Variants in NBPF9 observed in about 807,000 individuals in gnomAD.
NBPF9 encodes the protein NBPF family member NBPF9.
A neutral mutation model predicts 97.8 loss-of-function variants in NBPF9; 91 were observed. That is an observed-to-expected ratio of 0.93 (90% CI 0.79 to 1.11). The LOEUF (loss-of-function observed/expected upper bound fraction) is 1.11, where lower values mean the gene tolerates loss of function less well. Among genes scored for constraint, NBPF9 ranks in the 50% least tolerant of loss-of-function variants. The probability of loss-of-function intolerance (pLI) is 0.00; values close to 1 mark genes in which losing one functional copy is unlikely to be tolerated. For synonymous variants in NBPF9, 334 were observed against 359.5 expected (o/e 0.93, Z 0.80); for missense variants, 992 against 939.5 (o/e 1.06, Z -0.73).
At chr1:149,069,057 A>T (rs1320739070) in intron 17 of NBPF9, among the ~76,000 whole-genome samples, 5 of 152,230 alleles carry the variant, frequency 3.3e-5, no homozygotes, top group African/African-American at 9.6e-5. Flanking sequence ...AGAAATAAAG[A>T]CGTTCTTTGA....
At chr1:149,055,883 T>C in exon 30 of NBPF9, 1 of 1,610,978 alleles carries the variant, frequency 6.2e-7, no homozygotes, top group African/African-American at 1.3e-5. Context: ...TCCACTTCCA[T>C]CAGCACGCCG....
intron 8 of NBPF9, among the ~76,000 whole-genome samples, chr1:149,079,480 T>C (rs1309552317): frequency 6.6e-6 from 1 of 151,240 alleles, no homozygotes; most frequent in East Asian, 1.9e-4. Context: ...GTAGGTGTCT[T>C]CCTAATTCCC....
chr1:149,054,881 G>C (rs199859714), exon 30 of NBPF9: 8,343 of 150,640 alleles, frequency 0.055, 458 homozygotes, highest in East Asian at 0.43. Flanking sequence ...GTTGTCTGGT[G>C]ATTACCTCCT....
exon 30 of NBPF9, chr1:149,055,604 G>A (rs1407662784): frequency 4.4e-6 from 7 of 1,607,020 alleles, no homozygotes; most frequent in South Asian, 1.1e-5. Context: ...AACTTCACGT[G>A]CCTATAGGTC....
At chr1:149,082,195 C>T (rs1218926473) in intron 6 of NBPF9, 21 bp from the exon 7 acceptor site, 1 of 1,602,702 alleles carries the variant, frequency 6.2e-7, no homozygotes, top group Non-Finnish European at 8.5e-7. Flanking sequence ...GAAACCCAAA[C>T]ATATGATGGG....
Position 149,055,746 on chromosome 1 carries a change from G to A in NBPF9, c.3246C>T (p.Ser1082=), listed in dbSNP as rs782103038. The A allele has an allele frequency of 5.6e-6, 9 of 1,611,854 alleles. No homozygotes were observed. The South Asian group carries it at 6.6e-5, about 12-fold the overall frequency. ...ACCTATTGTCCACGTAAAGGGCGAA[G>A]CTGATGTGCTGTTCCTCAAATGAGT... is the stretch of plus-strand genomic sequence containing the variant. Residue 1082 remains serine (S), a synonymous_variant, in exon 30 of 30, where the codon AGC becomes AGT. Transcript: ENST00000584027.
intron 15 of NBPF9, 111 bp from the exon 16 acceptor site, chr1:149,071,250 G>C: frequency 7.7e-7 from 1 of 1,302,284 alleles, no homozygotes. Flanking sequence ...GTCCCAGAAA[G>C]CAAAATGGAG....
intron 17 of NBPF9, chr1:149,065,925 T>G: frequency 1.6e-6 from 1 of 620,010 alleles, no homozygotes; most frequent in Non-Finnish European, 2.8e-6. Context: ...ATGAGCCAAC[T>G]CAGGGCACCC....
intron 5 of NBPF9, among the ~76,000 whole-genome samples, chr1:149,082,952 C>CTTTTTTTTTTTTTT (rs1175496893): frequency 1.6e-5 from 1 of 60,986 alleles, no homozygotes; most frequent in African/African-American, 6.0e-5. Flanking sequence ...GCTAATTTTT[C>CTTTTTTTTTTTTTT]TTTTCTTTTT....
chr1:149,084,411 T>A (rs1327471817), intron 5 of NBPF9, among the ~76,000 whole-genome samples: 1 of 147,040 alleles, frequency 6.8e-6, no homozygotes, highest in Non-Finnish European at 1.5e-5. Flanking sequence ...ACAATATATA[T>A]AACATGTGTA....
chr1:149,073,846 A>G, exon 13 of NBPF9: 1 of 1,489,876 alleles, frequency 6.7e-7, no homozygotes, highest in Non-Finnish European at 9.3e-7. Context: ...CATAAATTTT[A>G]TGAGGTCTTT....
chr1:149,063,518 G>A, intron 20 of NBPF9, 115 bp downstream of exon 20: 1 of 700,942 alleles, frequency 1.4e-6, no homozygotes, highest in Non-Finnish European at 2.5e-6. Context: ...TGTGCCTATA[G>A]GTCCTCCCTG....
rs782559782 is a variant in NBPF9 at position 149,065,640 on chromosome 1, C to A, written c.1687G>T (p.Glu563Ter). ...GGAATTGAGGGAGTCGAATAACCTT[C>A]ATCCCAGGACTCCTGGGGGACTTCC... Residue 563 changes from glutamate to a stop codon, truncating the protein, a stop_gained, in exon 18 of 30, where the codon GAA (glutamate) becomes TAA (stop). Transcript: ENST00000584027. LOFTEE classifies it high-confidence loss of function. The A allele has an allele frequency of 3.1e-6, 5 of 1,603,058 alleles. No homozygotes were observed. In the African/African-American group the frequency reaches 6.7e-5, roughly 22 times the overall value.
rs1454565868 is a variant in NBPF9, at chr1:149,073,001, G to A, written c.1092-69C>T. On this transcript the variant is annotated intron_variant, in intron 13 of 29. Transcript: ENST00000584027. ...AGTGATCCGCTCAAATATTGCAACA[G>A]AGATTTCTGAAACAGTGTCCTCAAG... is the stretch of plus-strand genomic sequence containing the variant. The A allele has an allele frequency of 5.8e-6, 9 of 1,548,600 alleles. No individual in the cohort carries two copies. The East Asian group carries it at 1.8e-4, about 31-fold the overall frequency.
At chr1:149,061,876 G>C in intron 22 of NBPF9, 1 of 414,292 alleles carries the variant, frequency 2.4e-6, no homozygotes, top group Admixed American at 3.5e-5. Context: ...GTTGCCACAG[G>C]CATGGCTGGA....
rs2078672692 is a variant in NBPF9 at position 149,062,363 on chromosome 1, A to C, written c.2079-98T>G. On this transcript the variant is annotated intron_variant, in intron 21 of 29. Transcript: ENST00000584027. The stretch of plus-strand genomic sequence containing the variant: ...GGCTAACATAAGGAACTGTTTAAAA[A>C]GAAAAAGGACAGATCCATTAATGAG... 5 of 644,100 alleles carry C rather than the reference A, an allele frequency of 7.8e-6. No homozygotes were observed. In the Middle Eastern group the frequency reaches 1.7e-3, roughly 221 times the overall value. The allele number at this position is 644,100 out of a possible 1,614,324, so 39.9% of individuals were successfully genotyped here.
chr1:149,095,691 G>T (rs2081711848), intron 4 of NBPF9, among the ~76,000 whole-genome samples: 1 of 150,044 alleles, frequency 6.7e-6, no homozygotes, highest in African/African-American at 2.5e-5. Flanking sequence ...TGGCAAATAA[G>T]CATATGAGAA....
chr1:149,076,160 G>A (rs1369523945), intron 11 of NBPF9, among the ~76,000 whole-genome samples: 2 of 151,920 alleles, frequency 1.3e-5, no homozygotes, highest in African/African-American at 2.4e-5. Flanking sequence ...TTTCTGTGTA[G>A]CACAAAAGAT....
At chr1:149,055,275 G>A (rs2078129872) in exon 30 of NBPF9, 10 of 373,880 alleles carry the variant, frequency 2.7e-5, no homozygotes, top group South Asian at 2.0e-4. Flanking sequence ...ATTGAAACCA[G>A]GGTAACACCT....
Sources: allele counts gnomAD v4.1 joint callset (sites outside exome capture counted in the v4.1 genomes callset), GRCh38; gene constraint gnomAD v4.1.1; transcripts MANE v1.5; gene names NCBI Gene and HGNC (gene_info 2026-07-23, HGNC 2026-07-21).